Variants in MOCOS observed in about 807,000 individuals in gnomAD.
The protein encoded by MOCOS is molybdenum cofactor sulfurase.
Under a neutral mutation model 83.6 loss-of-function variants are expected in MOCOS, and 86 were observed. That is an observed-to-expected ratio of 1.03 (90% CI 0.86 to 1.23). The LOEUF (loss-of-function observed/expected upper bound fraction) is 1.23. Ranked by LOEUF, MOCOS falls within the 50% of genes most tolerant of loss-of-function variation. The pLI is 0.00. For synonymous variants in MOCOS, 445 were observed against 434.7 expected (o/e 1.02, Z -0.29); for missense variants, 1,120 against 1,126.9 (o/e 0.99, Z 0.09).
At chr18:36,251,038 C>T (rs1391203334) in intron 10 of MOCOS, 121 bp from the exon 11 acceptor site, 4 of 1,241,046 alleles carry the variant, frequency 3.2e-6, no homozygotes, top group Non-Finnish European at 3.4e-6. Flanking sequence ...CTTCAGGCTG[C>T]CTTCAGGGCT....
At chr18:36,264,129 G>C (rs2091673516) in intron 13 of MOCOS, among the ~76,000 whole-genome samples, 1 of 152,088 alleles carries the variant, frequency 6.6e-6, no homozygotes, top group African/African-American at 2.4e-5. Flanking sequence ...GAGCTGCCTG[G>C]GTGACAAGAG....
chr18:36,249,735 G>A (rs1197982334), intron 10 of MOCOS, among the ~76,000 whole-genome samples: 1 of 152,106 alleles, frequency 6.6e-6, no homozygotes, highest in African/African-American at 2.4e-5. Flanking sequence ...AGAAAGTCAG[G>A]AAGCTGCAGG....
intron 1 of MOCOS, among the ~76,000 whole-genome samples, chr18:36,188,435 G>A (rs2091351142): frequency 6.6e-6 from 1 of 152,194 alleles, no homozygotes; most frequent in African/African-American, 2.4e-5. Flanking sequence ...TCTGGCCTTG[G>A]CCGACCCAGC....
chr18:36,252,362 T>C (rs943888946), intron 11 of MOCOS, among the ~76,000 whole-genome samples: 7 of 151,916 alleles, frequency 4.6e-5, no homozygotes, highest in African/African-American at 1.5e-4. Flanking sequence ...ATCTGCAAAA[T>C]AAGATACAAA....
intron 9 of MOCOS, among the ~76,000 whole-genome samples, chr18:36,237,583 C>A (rs1268843437): frequency 6.6e-6 from 1 of 152,098 alleles, no homozygotes; most frequent in African/African-American, 2.4e-5. Flanking sequence ...GGATATTGGT[C>A]TAAAATTCTC....
rs189495672 is a variant in MOCOS at position 36,269,078 on chromosome 18, C to A, written c.*393C>A. The A allele has an allele frequency of 8.3e-5, 22 of 263,958 alleles. No homozygotes were observed. Among genetic ancestry groups the A allele is most frequent in the Non-Finnish European group, 1.2e-4 (17 of 136,176 alleles). 16.4% of individuals were successfully genotyped at this position (263,958 alleles called of 1,614,324 possible). A position where few individuals can be genotyped will look rare whatever the true frequency, so the allele number is the denominator to read the frequency against. On this transcript the variant is annotated 3_prime_UTR_variant, in exon 15 of 15. Transcript: ENST00000261326. ...GAGAGCATCTTTGGATCTCTCCAAC[C>A]CGTTTGTAGTGAGGAAGGGAGTCTA...
At chr18:36,253,695 T>C (rs558390596) in intron 11 of MOCOS, among the ~76,000 whole-genome samples, 11 of 151,220 alleles carry the variant, frequency 7.3e-5, no homozygotes, top group Non-Finnish European at 1.5e-4. Flanking sequence ...TACGAATTTT[T>C]CAGGCAGTCA....
chr18:36,257,914 C>T (rs752349609), intron 12 of MOCOS, among the ~76,000 whole-genome samples: 15 of 152,182 alleles, frequency 9.9e-5, no homozygotes, highest in African/African-American at 2.9e-4. Flanking sequence ...CCACCTCGTC[C>T]GCCTCTGCAG....
rs1555652670 is a variant in MOCOS at position 36,218,837 on chromosome 18, T to TTTA, written c.1798-1216_1798-1215insATT. 1.2e-3 allele frequency among the ~76,000 whole-genome samples: 165 copies of TTTA among 133,950 alleles called. 1 individual carries two copies. The highest frequency in any genetic ancestry group is 5.4e-3 in the East Asian group (25 of 4,642). The allele number at this position is 133,950 out of a possible 152,430, so 87.9% of individuals were successfully genotyped here. Reference sequence around the variant, plus strand: ...GCCCAGCTCTACTCACTTTATTTTATTTTATTTATTTATTTATTTATTTAT... The same window carrying TTTA: ...GCCCAGCTCTACTCACTTTATTTTATTTATTTATTTATTTATTTATTTATTTAT... On this transcript the variant is annotated intron_variant, in intron 8 of 14. Transcript: ENST00000261326.
At chr18:36,195,162 T>G in intron 1 of MOCOS, 95 bp from the exon 2 acceptor site, 1 of 1,018,860 alleles carries the variant, frequency 9.8e-7, no homozygotes, top group Non-Finnish European at 1.5e-6. Flanking sequence ...GTCAGTGGCC[T>G]GATGTTACGT....
At chr18:36,189,377 A>C (rs1171264703) in intron 1 of MOCOS, among the ~76,000 whole-genome samples, 2 of 152,096 alleles carry the variant, frequency 1.3e-5, no homozygotes, top group Non-Finnish European at 2.9e-5. Context: ...TTGTGCACTA[A>C]TCTGACGCCC....
chr18:36,217,119 G>A (rs2091478813), intron 8 of MOCOS, among the ~76,000 whole-genome samples: 1 of 152,182 alleles, frequency 6.6e-6, no homozygotes, highest in African/African-American at 2.4e-5. Context: ...AATCTGAATG[G>A]AGTCTATTGA....
chr18:36,239,202 G>A lies in MOCOS; in HGVS notation c.1961-9720G>A, dbSNP rs184329675. 7.1e-4 allele frequency among the ~76,000 whole-genome samples: 108 copies of A among 152,188 alleles called. No homozygotes were observed. In the East Asian group the frequency reaches 9.6e-3, roughly 14 times the overall value. On this transcript the variant is annotated intron_variant, in intron 9 of 14. Transcript: ENST00000261326. The stretch of plus-strand genomic sequence containing the variant: ...ATGATGTTAGCTGGTGATTTTGCTC[G>A]TTACTTGATGCAGTTTCTTCCTAGA...
chr18:36,209,653 T>C (rs1163598623), intron 6 of MOCOS, among the ~76,000 whole-genome samples: 1 of 152,220 alleles, frequency 6.6e-6, no homozygotes, highest in Non-Finnish European at 1.5e-5. Flanking sequence ...TTCAAGTTGC[T>C]GCAAAGGCCA....
At chr18:36,220,823 G>T (rs1184955940) in intron 9 of MOCOS, among the ~76,000 whole-genome samples, 3 of 152,106 alleles carry the variant, frequency 2.0e-5, no homozygotes, top group African/African-American at 7.2e-5. Flanking sequence ...TGGGTACTTG[G>T]GAGGCTGAGG....
chr18:36,195,331 A>G lies in MOCOS; in HGVS notation c.217A>G (p.Met73Val), dbSNP rs1568048024. The G allele has an allele frequency of 6.2e-7, 1 of 1,608,872 alleles. No individual in the cohort carries two copies. The highest frequency in any genetic ancestry group is 8.5e-7 in the Non-Finnish European group (1 of 1,175,470). ...GCTCGAAAGCTTCACTAGTGATCTCATGGAAAACACTTATGGTAAAGAAAA... is the reference window on the plus strand; with the variant it reads ...GCTCGAAAGCTTCACTAGTGATCTCGTGGAAAACACTTATGGTAAAGAAAA... ...SQLESFTSDLMENTYGNPHSQ... is the reference protein window; with the variant it reads ...SQLESFTSDLVENTYGNPHSQ... The change falls in exon 2 of 15, where the codon ATG becomes GTG. Residue 73 changes from methionine (M) to valine (V), a missense_variant. Coordinates refer to ENST00000261326, the MANE Select transcript of MOCOS (RefSeq NM_017947.4).
chr18:36,249,138 C>G (rs1407637229), intron 10 of MOCOS, 138 bp downstream of exon 10: 1 of 769,378 alleles, frequency 1.3e-6, no homozygotes, highest in Non-Finnish European at 2.2e-6. Flanking sequence ...GCATGCTTCT[C>G]TCTAACCACA....
rs76147740 is a variant in MOCOS at position 36,189,504 on chromosome 18, C to T, written c.142+1823C>T. On this transcript the variant is annotated intron_variant, in intron 1 of 14. Transcript: ENST00000261326. ...ATCACCTCTTCCTCGTTCCTCCTCT[C>T]CCCTCATGAAGTTTTTCTGCCAATT... Among the ~76,000 whole-genome samples the T allele has an allele frequency of 2.7e-3, 408 of 152,284 alleles. 3 individuals are homozygous for T. The highest frequency in any genetic ancestry group is 9.2e-3 in the African/African-American group (381 of 41,558).
chr18:36,226,888 CTTTT>C (rs36075117), intron 9 of MOCOS, among the ~76,000 whole-genome samples: 3 of 137,562 alleles, frequency 2.2e-5, no homozygotes, highest in Non-Finnish European at 1.6e-5. Flanking sequence ...TGATGTGTAT[CTTTT>C]TTTTTTTTTT....
Sources: gnomAD v4.1 joint callset for allele counts (sites outside exome capture counted in the v4.1 genomes callset) on GRCh38, gnomAD v4.1.1 for gene constraint, MANE v1.5 for transcripts, NCBI Gene and HGNC (gene_info 2026-07-23, HGNC 2026-07-21) for gene names.